Variants in KLF7 observed in about 807,000 individuals in gnomAD.
KLF7 encodes the protein Krueppel-like factor 7.
A neutral mutation model predicts 27.3 loss-of-function variants in KLF7; 2 were observed. The observed-to-expected ratio is 0.07, with a 90% CI of 0.03 to 0.23. The LOEUF is 0.23. Among genes scored for constraint, KLF7 ranks in the 10% least tolerant of loss-of-function variants. The pLI is 1.00. For synonymous variants in KLF7, 165 were observed against 162.4 expected (o/e 1.02, Z -0.12); for missense variants, 221 against 394.1 (o/e 0.56, Z 3.72).
Position 207,144,064 on chromosome 2 carries a change from T to C in KLF7, c.103-19660A>G, listed in dbSNP as rs114754340. ...AAGCATGCTTCATTAGAGTCTTAAC[T>C]CAAGGGAGGCAACTGCTTGTGTAAG... On this transcript the variant is annotated intron_variant, in intron 1 of 3. Transcript: ENST00000309446. Among the ~76,000 whole-genome samples the C allele has an allele frequency of 4.5e-3, 483 of 107,822 alleles. 5 individuals are homozygous for C. The highest frequency in any genetic ancestry group is 5.6e-3 in the Non-Finnish European group (268 of 47,548). 70.7% of individuals were successfully genotyped at this position (107,822 alleles called of 152,430 possible).
intron 3 of KLF7, among the ~76,000 whole-genome samples, chr2:207,085,164 G>GA (rs1015691241): frequency 0.017 from 398 of 23,012 alleles, 82 homozygotes; most frequent in African/African-American, 0.031. Context: ...TGTCTCAAAT[G>GA]AAAAAAAAAA....
At chr2:207,166,068 T>C, upstream of KLF7, 1 of 781,112 alleles carries the variant, frequency 1.3e-6, no homozygotes. Context: ...TGCTAGTTTG[T>C]AGTCTTCCCC....
chr2:207,115,237 G>A (rs527483647), intron 2 of KLF7, among the ~76,000 whole-genome samples: 2 of 152,016 alleles, frequency 1.3e-5, no homozygotes, highest in South Asian at 4.2e-4. Flanking sequence ...CTGGACTGAG[G>A]CTCCATAAGG....
chr2:207,140,846 T>C (rs1299180561), intron 1 of KLF7, among the ~76,000 whole-genome samples: 1 of 152,196 alleles, frequency 6.6e-6, no homozygotes, highest in Non-Finnish European at 1.5e-5. Flanking sequence ...GGCAATTAAG[T>C]ATCTCATTGT....
At chr2:207,087,491 C>A (rs1307580535) in intron 3 of KLF7, among the ~76,000 whole-genome samples, 1 of 152,068 alleles carries the variant, frequency 6.6e-6, no homozygotes, top group African/African-American at 2.4e-5. Context: ...CAAAAGCGAT[C>A]CCATTTCCTC....
At chr2:207,127,762 G>A (rs1438628149) in intron 1 of KLF7, among the ~76,000 whole-genome samples, 1 of 152,016 alleles carries the variant, frequency 6.6e-6, no homozygotes, top group Non-Finnish European at 1.5e-5. Flanking sequence ...AGAATCACTT[G>A]AACCCAGGAG....
At chr2:207,121,194 G>A (rs114884640) in intron 2 of KLF7, among the ~76,000 whole-genome samples, 1 of 152,302 alleles carries the variant, frequency 6.6e-6, no homozygotes, top group African/African-American at 2.4e-5. Context: ...TCCACAACTT[G>A]TATCCACAGG....
intron 3 of KLF7, among the ~76,000 whole-genome samples, chr2:207,081,580 T>C (rs1416259867): frequency 6.6e-6 from 1 of 152,214 alleles, no homozygotes; most frequent in African/African-American, 2.4e-5. Context: ...TGCAAGGTAC[T>C]TAGAATACGG....
At chr2:207,107,646 T>G (rs1272113128) in intron 2 of KLF7, among the ~76,000 whole-genome samples, 1 of 152,222 alleles carries the variant, frequency 6.6e-6, no homozygotes, top group Non-Finnish European at 1.5e-5. Context: ...CCGGCTCCTG[T>G]GTGCAGCCGT....
At position 207,140,433 on chromosome 2, in the gene KLF7, C is replaced by T. The variant is rs371408677; in HGVS notation, c.103-16029G>A. Among the ~76,000 whole-genome samples, 46 of 152,224 alleles carry T rather than the reference C, an allele frequency of 3.0e-4. No individual in the cohort carries two copies. In the East Asian group the frequency reaches 4.2e-3, roughly 14 times the overall value. On this transcript the variant is annotated intron_variant, in intron 1 of 3. Coordinates refer to ENST00000309446, the MANE Select transcript of KLF7 (RefSeq NM_003709.4). ...TTAGAGACTAATGCATTTTCCAACA[C>T]CAGTATCATATATCACCCATCCCTT...
chr2:207,122,092 CT>C (rs2077356036), intron 2 of KLF7: 3 of 152,220 alleles, frequency 2.0e-5, no homozygotes, highest in Admixed American at 2.0e-4. Flanking sequence ...CATAACTTTA[CT>C]CATTGACTTT....
chr2:207,150,108 CCA>C (rs1467981657), intron 1 of KLF7, among the ~76,000 whole-genome samples: 3 of 152,166 alleles, frequency 2.0e-5, no homozygotes, highest in African/African-American at 7.2e-5. Context: ...TCCCCCACAA[CCA>C]CACACACATA....
chr2:207,097,378 T>A (rs1226496220), intron 2 of KLF7, among the ~76,000 whole-genome samples: 1 of 152,164 alleles, frequency 6.6e-6, no homozygotes, highest in African/African-American at 2.4e-5. Context: ...TTAACGGTGT[T>A]TGTTATTAAA....
At chr2:207,138,485 T>C (rs562868878) in intron 1 of KLF7, among the ~76,000 whole-genome samples, 1 of 152,326 alleles carries the variant, frequency 6.6e-6, no homozygotes, top group East Asian at 1.9e-4. Flanking sequence ...CAAAAAAATA[T>C]TTAAGAACAG....
chr2:207,162,368 G>A (rs1207510319), intron 1 of KLF7, among the ~76,000 whole-genome samples: 5 of 152,140 alleles, frequency 3.3e-5, no homozygotes, highest in Middle Eastern at 3.2e-3. Context: ...AGAATTGCGC[G>A]TCAGCTGAAT....
intron 2 of KLF7, among the ~76,000 whole-genome samples, chr2:207,119,671 C>A (rs2077283623): frequency 6.6e-6 from 1 of 152,074 alleles, no homozygotes; most frequent in Admixed American, 6.6e-5. Context: ...ACTAGGTGCT[C>A]TTCCCAATGA....
chr2:207,117,863 G>C (rs1279864932), intron 2 of KLF7, among the ~76,000 whole-genome samples: 1 of 152,152 alleles, frequency 6.6e-6, no homozygotes, highest in African/African-American at 2.4e-5. Flanking sequence ...GACTGCTGCT[G>C]CAAGCCCCTG....
Position 207,079,287 on chromosome 2 carries a change from A to ATAT in KLF7, c.*1923_*1925dup, listed in dbSNP as rs1181930162. 1 of 152,160 alleles carries ATAT rather than the reference A, an allele frequency of 6.6e-6. No homozygotes were observed. Among genetic ancestry groups the ATAT allele is most frequent in the East Asian group, 1.9e-4 (1 of 5,198 alleles). 9.4% of individuals were successfully genotyped at this position (152,160 alleles called of 1,614,324 possible). A position where few individuals can be genotyped will look rare whatever the true frequency, so the allele number is the denominator to read the frequency against. The stretch of plus-strand genomic sequence containing the variant: ...AACCCAGATCTTGAAGGTTGCTGTC[A>ATAT]TATATGTGTTTGTGTTTCTTATATT... On this transcript the variant is annotated 3_prime_UTR_variant, in exon 4 of 4. Transcript: ENST00000309446.
chr2:207,165,895 A>T lies in KLF7; in HGVS notation c.-327T>A. The T allele has an allele frequency of 1.7e-6, 2 of 1,147,656 alleles. No homozygotes were observed. Among genetic ancestry groups the T allele is most frequent in the South Asian group, 6.8e-5 (2 of 29,594 alleles). The allele number at this position is 1,147,656 out of a possible 1,614,324, so 71.1% of individuals were successfully genotyped here. On this transcript the variant is annotated 5_prime_UTR_variant, in exon 1 of 4. Coordinates refer to ENST00000309446, the MANE Select transcript of KLF7 (RefSeq NM_003709.4). The stretch of plus-strand genomic sequence containing the variant: ...AATCACTCCAGCTCGTGGATCAGGA[A>T]GGGGGATGCAAACTCACTGACACGA...
Sources: gnomAD v4.1 joint callset for allele counts (sites outside exome capture counted in the v4.1 genomes callset) on GRCh38, gnomAD v4.1.1 for gene constraint, MANE v1.5 for transcripts, NCBI Gene and HGNC (gene_info 2026-07-23, HGNC 2026-07-21) for gene names.